ZFAND1: variants seen among roughly 807,000 people sequenced by gnomAD.
ZFAND1 encodes the protein AN1-type zinc finger protein 1.
Under a neutral mutation model 38.5 loss-of-function variants are expected in ZFAND1, and 40 were observed. That is an observed-to-expected ratio of 1.04 (90% CI 0.81 to 1.35). The LOEUF is 1.35. ZFAND1 is among the 40% of genes most tolerant of loss of function. The probability of loss-of-function intolerance (pLI) is 0.00; values close to 1 mark genes in which losing one functional copy is unlikely to be tolerated. For synonymous variants in ZFAND1, 117 were observed against 103.6 expected (o/e 1.13, Z -0.78); for missense variants, 346 against 316.3 (o/e 1.09, Z -0.71).
intron 6 of ZFAND1, chr8:81,708,841 G>C: frequency 8.1e-7 from 1 of 1,235,242 alleles, no homozygotes; most frequent in Non-Finnish European, 1.0e-6. Context: ...TGTGAAATTA[G>C]GATAAAAATA....
At chr8:81,717,129 A>G in intron 3 of ZFAND1, 120 bp downstream of exon 3, 1 of 710,634 alleles carries the variant, frequency 1.4e-6, no homozygotes, top group Non-Finnish European at 2.3e-6. Flanking sequence ...TCTTTACCTA[A>G]TCAGTTTAGT....
At chr8:81,703,624 T>C (rs952637906) in intron 6 of ZFAND1, among the ~76,000 whole-genome samples, 6 of 152,152 alleles carry the variant, frequency 3.9e-5, no homozygotes, top group African/African-American at 1.2e-4. Flanking sequence ...GCTTTCACCA[T>C]GTTGTTCAGG....
At chr8:81,719,119 T>C (rs911641925) in intron 1 of ZFAND1, among the ~76,000 whole-genome samples, 2 of 152,080 alleles carry the variant, frequency 1.3e-5, no homozygotes, top group Non-Finnish European at 2.9e-5. Flanking sequence ...ACAGTAACTA[T>C]AATTAATAAG....
At position 81,721,238 on chromosome 8, in the gene ZFAND1, C is replaced by G; in HGVS notation, c.44G>C (p.Cys15Ser). 6.5e-7 allele frequency: 1 copy of G among 1,548,890 alleles called. No individual in the cohort carries two copies. The highest frequency in any genetic ancestry group is 8.7e-7 in the Non-Finnish European group (1 of 1,147,068). Residue 15 changes from cysteine to serine, a missense_variant, in exon 1 of 8, where the codon TGC becomes TCC. By Grantham distance (112) the Cys-to-Ser change is moderately radical. Transcript: ENST00000220669. Reference protein sequence around the residue: ...DIGQHCQVEHCRQRDFLPFVC... With the variant: ...DIGQHCQVEHSRQRDFLPFVC... ...AGCTCCCGGATCACCTCGCTGCCGGCAATGCTCCACCTGGCAGTGCTGCCC... is the reference window on the plus strand; with the variant it reads ...AGCTCCCGGATCACCTCGCTGCCGGGAATGCTCCACCTGGCAGTGCTGCCC...
chr8:81,717,556 T>A (rs1251520888), intron 2 of ZFAND1, among the ~76,000 whole-genome samples: 1 of 152,118 alleles, frequency 6.6e-6, no homozygotes, highest in Non-Finnish European at 1.5e-5. Context: ...TATAAACATA[T>A]CTTTCAGCTC....
Position 81,714,041 on chromosome 8 carries a change from T to C in ZFAND1, c.359-2A>G. On this transcript the variant is annotated splice_acceptor_variant, in intron 5 of 7. Coordinates refer to ENST00000220669, the MANE Select transcript of ZFAND1 (RefSeq NM_024699.3). LOFTEE classifies it high-confidence loss of function. ...TTGCTGTTTCTCCTGTCTTGGAATCTAAGAAGTGTAAGCATGTAATCACAT... is the reference window on the plus strand; with the variant it reads ...TTGCTGTTTCTCCTGTCTTGGAATCCAAGAAGTGTAAGCATGTAATCACAT... 1 of 1,601,994 alleles carries C rather than the reference T, an allele frequency of 6.2e-7. No homozygotes were observed. Among genetic ancestry groups the C allele is most frequent in the Non-Finnish European group, 8.5e-7 (1 of 1,176,010 alleles).
Position 81,706,370 on chromosome 8 carries a change from C to CAAAAAAAAAAAA in ZFAND1, c.481-3258_481-3247dup, listed in dbSNP as rs35031788. Among the ~76,000 whole-genome samples the CAAAAAAAAAAAA allele has an allele frequency of 1.9e-3, 136 of 72,660 alleles. 1 individual carries two copies. The highest frequency in any genetic ancestry group is 4.1e-3 in the East Asian group (9 of 2,216). The allele number at this position is 72,660 out of a possible 152,430, so 47.7% of individuals were successfully genotyped here. On this transcript the variant is annotated intron_variant, in intron 6 of 7. Coordinates refer to ENST00000220669, the MANE Select transcript of ZFAND1 (RefSeq NM_024699.3). ...CAAGTAAGCCCTAAGGAAGGAGAAACAAAAAAAAAAAAAAAAAAAAAAAAG... is the reference window on the plus strand; with the variant it reads ...CAAGTAAGCCCTAAGGAAGGAGAAACAAAAAAAAAAAAAAAAAAAAAAAAAAAAAAAAAAAAG...
At chr8:81,716,993 A>C (rs1222449219) in intron 3 of ZFAND1, among the ~76,000 whole-genome samples, 1 of 152,154 alleles carries the variant, frequency 6.6e-6, no homozygotes, top group Non-Finnish European at 1.5e-5. Context: ...ATATAGCCTT[A>C]TACTGTAAGT....
Position 81,702,959 on chromosome 8 carries a change from G to T in ZFAND1, c.636+10C>A. 6.7e-7 allele frequency: 1 copy of T among 1,496,454 alleles called. No individual in the cohort carries two copies. Among genetic ancestry groups the T allele is most frequent in the East Asian group, 2.5e-5 (1 of 40,644 alleles). 92.7% of individuals were successfully genotyped at this position (1,496,454 alleles called of 1,614,324 possible). ...ATTAATATAGAAATATTATTATAAT[G>T]AGATGTTACCTTAGCTGTAAATTTG... On this transcript the variant is annotated intron_variant, in intron 7 of 7. Coordinates refer to ENST00000220669, the MANE Select transcript of ZFAND1 (RefSeq NM_024699.3).
chr8:81,719,548 G>A (rs1808412718), intron 1 of ZFAND1, among the ~76,000 whole-genome samples: 1 of 152,086 alleles, frequency 6.6e-6, no homozygotes, highest in African/African-American at 2.4e-5. Context: ...CAATACTGCA[G>A]TGACTGGGTG....
intron 5 of ZFAND1, chr8:81,714,275 C>T: frequency 2.5e-6 from 1 of 402,210 alleles, no homozygotes; most frequent in Non-Finnish European, 4.4e-6. Flanking sequence ...TTCTTTTCAA[C>T]TTAAGCCTAT....
intron 6 of ZFAND1, among the ~76,000 whole-genome samples, chr8:81,705,606 C>T (rs1055350331): frequency 1.3e-5 from 2 of 151,720 alleles, no homozygotes; most frequent in African/African-American, 4.9e-5. Context: ...TCCACAATAC[C>T]GCATAAAGAG....
At chr8:81,703,769 A>T (rs1213534697) in intron 6 of ZFAND1, among the ~76,000 whole-genome samples, 1 of 152,124 alleles carries the variant, frequency 6.6e-6, no homozygotes, top group Non-Finnish European at 1.5e-5. Context: ...GGAGTTGCCT[A>T]CAGCAAACCC....
intron 6 of ZFAND1, among the ~76,000 whole-genome samples, chr8:81,713,104 T>G (rs1808185908): frequency 7.1e-6 from 1 of 140,654 alleles, no homozygotes. Flanking sequence ...AATCTTTTTT[T>G]GTTTGTTCGT....
At chr8:81,715,668 C>G (rs1808287149) in intron 3 of ZFAND1, among the ~76,000 whole-genome samples, 2 of 150,510 alleles carry the variant, frequency 1.3e-5, no homozygotes, top group Admixed American at 1.3e-4. Context: ...AAAAAAAATT[C>G]TAAATCAGCC....
At chr8:81,705,542 T>C (rs557100248) in intron 6 of ZFAND1, among the ~76,000 whole-genome samples, 2 of 152,346 alleles carry the variant, frequency 1.3e-5, no homozygotes, top group South Asian at 2.1e-4. Context: ...GATAAGTTTC[T>C]ATAATCCTCA....
chr8:81,706,660 T>G (rs1276923246), intron 6 of ZFAND1, among the ~76,000 whole-genome samples: 1 of 151,992 alleles, frequency 6.6e-6, no homozygotes, highest in Non-Finnish European at 1.5e-5. Context: ...AATGAAATAA[T>G]GAGTATAATT....
Position 81,702,661 on chromosome 8 carries a change from T to C in ZFAND1, c.*34A>G. ...ATGGACTTAAACATGTAATAGAATT[T>C]TCCCTGTGATTTCTGACTTGAATCT... On this transcript the variant is annotated 3_prime_UTR_variant, in exon 8 of 8. Transcript: ENST00000220669. 1 of 1,392,532 alleles carries C rather than the reference T, an allele frequency of 7.2e-7. No individual in the cohort carries two copies. Among genetic ancestry groups the C allele is most frequent in the Non-Finnish European group, 9.4e-7 (1 of 1,062,476 alleles). 86.3% of individuals were successfully genotyped at this position (1,392,532 alleles called of 1,614,324 possible).
At chr8:81,703,589 A>G (rs936910000) in intron 6 of ZFAND1, among the ~76,000 whole-genome samples, 2 of 152,034 alleles carry the variant, frequency 1.3e-5, no homozygotes, top group African/African-American at 4.8e-5. Context: ...GGCCCAGCTA[A>G]TTTTTGTACT....
Sources: allele counts gnomAD v4.1 joint callset (sites outside exome capture counted in the v4.1 genomes callset), GRCh38; gene constraint gnomAD v4.1.1; transcripts MANE v1.5; gene names NCBI Gene and HGNC (gene_info 2026-07-23, HGNC 2026-07-21).